The following SLA2 variants were observed in gnomAD, a reference collection of about 807,000 sequenced individuals.
SLA2 encodes the protein src-like-adapter 2.
Under a neutral mutation model 27.3 loss-of-function variants are expected in SLA2, and 22 were observed. That is an observed-to-expected ratio of 0.81 (90% CI 0.58 to 1.15). The LOEUF is 1.15. Ranked by LOEUF, SLA2 falls within the 50% of genes most tolerant of loss-of-function variation. The probability of loss-of-function intolerance (pLI) is 0.00; values close to 1 mark genes in which losing one functional copy is unlikely to be tolerated. For synonymous variants in SLA2, 131 were observed against 137.8 expected (o/e 0.95, Z 0.34); for missense variants, 304 against 322.2 (o/e 0.94, Z 0.43).
chr20:36,623,692 CTG>C (rs1389381629), intron 5 of SLA2, among the ~76,000 whole-genome samples: 1 of 151,834 alleles, frequency 6.6e-6, no homozygotes, highest in Non-Finnish European at 1.5e-5. Context: ...GACAGTTTCA[CTG>C]TGTTGCTCAG....
rs993615703 is a variant in SLA2 at position 36,615,365 on chromosome 20, G to C, written c.392C>G (p.Ser131Cys). The change falls in exon 6 of 8, where the codon TCT becomes TGT. Residue 131 changes from serine to cysteine, a missense_variant. Coordinates refer to ENST00000262866, the MANE Select transcript of SLA2 (RefSeq NM_032214.4). ...AGGGCGGCTGAGGCGGACTGACAGA[G>C]AGTAAGAGCCTGAGGAGAAAGGGGT... ...RESQTRRGSY[S>C]LSVRLSRPAS... 2.1e-5 allele frequency: 34 copies of C among 1,613,642 alleles called. No individual in the cohort carries two copies. The highest frequency in any genetic ancestry group is 2.6e-5 in the Non-Finnish European group (31 of 1,179,920).
At chr20:36,616,276 A>G (rs1329900886) in intron 5 of SLA2, among the ~76,000 whole-genome samples, 1 of 150,758 alleles carries the variant, frequency 6.6e-6, no homozygotes, top group Non-Finnish European at 1.5e-5. Context: ...GATGAATGAC[A>G]GTTTCACCAG....
At chr20:36,638,963 C>T (rs2039479725) in intron 2 of SLA2, among the ~76,000 whole-genome samples, 1 of 152,192 alleles carries the variant, frequency 6.6e-6, no homozygotes, top group Non-Finnish European at 1.5e-5. Flanking sequence ...TCTCCTGCCT[C>T]AGCCTCCCAA....
In SLA2 at chr20:36,613,772, C is replaced by CCG; in HGVS notation, c.*93_*94insCG. On this transcript the variant is annotated 3_prime_UTR_variant, in exon 8 of 8. Coordinates refer to ENST00000262866, the MANE Select transcript of SLA2 (RefSeq NM_032214.4). The stretch of plus-strand genomic sequence containing the variant: ...CACCTCTGTGTCCCACCCTCCCTCC[C>CCG]TGAGTGCACAGCCTTGCCTCTGGGG... 1.2e-6 allele frequency: 1 copy of CCG among 866,050 alleles called. No homozygotes were observed. The highest frequency in any genetic ancestry group is 1.7e-6 in the Non-Finnish European group (1 of 581,000). The allele number at this position is 866,050 out of a possible 1,614,324, so 53.6% of individuals were successfully genotyped here. A position where few individuals can be genotyped will look rare whatever the true frequency, so the allele number is the denominator to read the frequency against.
chr20:36,623,287 A>AAAAC (rs2039304115), intron 5 of SLA2, among the ~76,000 whole-genome samples: 1 of 151,794 alleles, frequency 6.6e-6, no homozygotes, highest in Non-Finnish European at 1.5e-5. Flanking sequence ...AAAAAAAAAA[A>AAAAC]AAATCGACAG....
At chr20:36,640,875 A>T (rs1235369748) in intron 2 of SLA2, among the ~76,000 whole-genome samples, 5 of 152,152 alleles carry the variant, frequency 3.3e-5, no homozygotes, top group African/African-American at 1.2e-4. Context: ...TGCAATGGAC[A>T]GTGCAGCTCT....
At chr20:36,625,710 C>T (rs1187869627) in intron 5 of SLA2, among the ~76,000 whole-genome samples, 2 of 151,584 alleles carry the variant, frequency 1.3e-5, no homozygotes, top group East Asian at 2.0e-4. Context: ...GCCTGTAGTT[C>T]CAGCTACTCA....
At position 36,617,729 on chromosome 20, in the gene SLA2, C is replaced by T. The variant is rs183799206; in HGVS notation, c.383-2355G>A. On this transcript the variant is annotated intron_variant, in intron 5 of 7. Transcript: ENST00000262866. The stretch of plus-strand genomic sequence containing the variant: ...AAAATTAGCCAGGCGTGGTGGCGTG[C>T]GCCTGTAATCCCAGCTACTCAGGAG... Among the ~76,000 whole-genome samples, 288 of 150,312 alleles carry T rather than the reference C, an allele frequency of 1.9e-3. 1 individual carries two copies. The Middle Eastern group carries it at 0.021, about 11-fold the overall frequency.
intron 5 of SLA2, among the ~76,000 whole-genome samples, chr20:36,622,432 C>T (rs535139654): frequency 6.9e-6 from 1 of 144,238 alleles, no homozygotes; most frequent in Non-Finnish European, 1.5e-5. Context: ...AAATTCAACA[C>T]CCTTCATGAT....
rs13040774 is a variant in SLA2, at chr20:36,632,582, C to G, written c.382+13G>C. ...ACGTAGGGAGGGCCTGGGCTGGCAC[C>G]GAGCTTACTCACCTCTCCTGGTCTG... On this transcript the variant is annotated intron_variant, in intron 5 of 7. Transcript: ENST00000262866. 13 of 1,609,106 alleles carry G rather than the reference C, an allele frequency of 8.1e-6. No individual in the cohort carries two copies. The Admixed American group carries it at 2.0e-4, about 25-fold the overall frequency.
In SLA2 at chr20:36,634,538, G is replaced by T; in HGVS notation, c.143C>A (p.Pro48Gln). The T allele has an allele frequency of 6.2e-7, 1 of 1,611,410 alleles. No homozygotes were observed. Among genetic ancestry groups the T allele is most frequent in the Non-Finnish European group, 8.5e-7 (1 of 1,178,540 alleles). Residue 48 changes from proline to glutamine, a missense_variant, in exon 3 of 8, where the codon CCG becomes CAG. Transcript: ENST00000262866. ...VALGSFPAGG[P>Q]AELSLRLGEP... Reference sequence around the variant, plus strand: ...CCCGAGTCTCAGCGACAGCTCGGCCGGGCCACCTGCCGGGAAACTGCCCAG... The same window carrying T: ...CCCGAGTCTCAGCGACAGCTCGGCCTGGCCACCTGCCGGGAAACTGCCCAG...
At chr20:36,627,267 A>G (rs567739966) in intron 5 of SLA2, among the ~76,000 whole-genome samples, 1 of 152,374 alleles carries the variant, frequency 6.6e-6, no homozygotes, top group African/African-American at 2.4e-5. Context: ...AGAAAGCTCC[A>G]GCAGGCTTAG....
intron 1 of SLA2, among the ~76,000 whole-genome samples, chr20:36,642,889 TTTC>T (rs1196266287): frequency 6.6e-6 from 1 of 152,062 alleles, no homozygotes; most frequent in Non-Finnish European, 1.5e-5. Flanking sequence ...CCGGTCCTTT[TTTC>T]TTAAGTTACG....
At chr20:36,614,924 T>G (rs746126543) in intron 6 of SLA2, 2 of 985,288 alleles carry the variant, frequency 2.0e-6, no homozygotes, top group African/African-American at 3.5e-5. Flanking sequence ...AGCAGCTCTG[T>G]GCCCGGTTCC....
At chr20:36,638,670 A>G (rs182000609) in intron 2 of SLA2, among the ~76,000 whole-genome samples, 25 of 152,226 alleles carry the variant, frequency 1.6e-4, no homozygotes, top group Middle Eastern at 3.4e-3. Context: ...CAAAACTTGC[A>G]CAACAGCCAT....
chr20:36,638,383 C>T (rs1227109745), intron 2 of SLA2, among the ~76,000 whole-genome samples: 1 of 152,092 alleles, frequency 6.6e-6, no homozygotes, highest in Non-Finnish European at 1.5e-5. Flanking sequence ...GGCTGGAGTG[C>T]AGTGGCTCGA....
At chr20:36,640,324 TA>T (rs1372015826) in intron 2 of SLA2, among the ~76,000 whole-genome samples, 1 of 151,708 alleles carries the variant, frequency 6.6e-6, no homozygotes, top group Non-Finnish European at 1.5e-5. Context: ...ACCACAAAAA[TA>T]AAAAGACAGC....
intron 1 of SLA2, among the ~76,000 whole-genome samples, chr20:36,641,868 G>A (rs1361347153): frequency 6.6e-6 from 1 of 151,774 alleles, no homozygotes; most frequent in East Asian, 2.0e-4. Context: ...TCAGAGGTCT[G>A]CAAGGAGGGC....
At chr20:36,637,883 C>CTTTT (rs35354699) in intron 2 of SLA2, among the ~76,000 whole-genome samples, 19 of 89,370 alleles carry the variant, frequency 2.1e-4, no homozygotes, top group African/African-American at 4.2e-4. Context: ...GCCTCGGCCT[C>CTTTT]TTTTTTTTTT....
Sources: allele counts gnomAD v4.1 joint callset (sites outside exome capture counted in the v4.1 genomes callset), GRCh38; gene constraint gnomAD v4.1.1; transcripts MANE v1.5; gene names NCBI Gene and HGNC (gene_info 2026-07-23, HGNC 2026-07-21).